PRPF40B: variants seen among roughly 807,000 people sequenced by gnomAD.
PRPF40B encodes the protein pre-mRNA processing factor 40B, also known as pre-mRNA-processing factor 40 homolog B.
Under a neutral mutation model 124.5 loss-of-function variants are expected in PRPF40B, and 56 were observed. The ratio of observed to expected loss-of-function variants is 0.45; its 90% CI spans 0.36 to 0.56. The LOEUF is 0.56. Ranked by LOEUF, PRPF40B falls within the 20% of genes least tolerant of loss-of-function variation. The probability of loss-of-function intolerance (pLI) is 0.00; values close to 1 mark genes in which losing one functional copy is unlikely to be tolerated. For synonymous variants in PRPF40B, 443 were observed against 426.4 expected (o/e 1.04, Z -0.48); for missense variants, 1,053 against 1,169.5 (o/e 0.90, Z 1.45).
intron 17 of PRPF40B, 59 bp downstream of exon 17, chr12:49,637,643 C>T: frequency 2.5e-6 from 4 of 1,571,318 alleles, no homozygotes; most frequent in Non-Finnish European, 3.5e-6. Flanking sequence ...AGCCTCTCTG[C>T]ACCCCCTACT....
At chr12:49,637,382 C>G in intron 16 of PRPF40B, 88 bp from the exon 17 acceptor site, 2 of 866,572 alleles carry the variant, frequency 2.3e-6, no homozygotes, top group Non-Finnish European at 3.7e-6. Flanking sequence ...GTCCCTGCCT[C>G]TTCCTCTGCC....
At chr12:49,625,519 G>A (rs1433978391) in intron 1 of PRPF40B, among the ~76,000 whole-genome samples, 1 of 151,812 alleles carries the variant, frequency 6.6e-6, no homozygotes, top group Non-Finnish European at 1.5e-5. Flanking sequence ...TTTTCCTACT[G>A]CCTCTCCATT....
At chr12:49,637,702 C>A in intron 17 of PRPF40B, 31 bp from the exon 18 acceptor site, 1 of 1,507,838 alleles carries the variant, frequency 6.6e-7, no homozygotes, top group Non-Finnish European at 9.1e-7. Flanking sequence ...AAGCTGCCGC[C>A]CGCCAGGCCC....
chr12:49,632,553 C>T, intron 4 of PRPF40B, 43 bp from the exon 5 acceptor site: 2 of 1,608,498 alleles, frequency 1.2e-6, no homozygotes, highest in African/African-American at 1.3e-5. Flanking sequence ...CTGGGGGCCA[C>T]TGGGCTTGGC....
In PRPF40B at chr12:49,637,043, G is replaced by C. The variant is rs1941917319; in HGVS notation, c.1560+194G>C. On this transcript the variant is annotated intron_variant, in intron 16 of 25. Transcript: ENST00000548825. Reference sequence around the variant, plus strand: ...TCAATTCTGGACTGTGCTCTTCTAGGGAGACTAGATGTATGCACCACCCAG... The same window carrying C: ...TCAATTCTGGACTGTGCTCTTCTAGCGAGACTAGATGTATGCACCACCCAG... 4.8e-6 allele frequency: 4 copies of C among 836,572 alleles called. No homozygotes were observed. In the South Asian group the frequency reaches 7.0e-5, roughly 15 times the overall value. 51.8% of individuals were successfully genotyped at this position (836,572 alleles called of 1,614,324 possible).
Position 49,632,995 on chromosome 12 carries a change from T to TGGGGGGGGCGG in PRPF40B, c.349-18_349-17insGGGGGGGCGGG. On this transcript the variant is annotated intron_variant, in intron 6 of 25. Transcript: ENST00000548825. The stretch of plus-strand genomic sequence containing the variant: ...AAAAGGGGCCTTGACCACCATTCTG[T>TGGGGGGGGCGG]GCCCCCCCCCCCACCCAGAGGGCCC... The TGGGGGGGGCGG allele has an allele frequency of 7.3e-7, 1 of 1,365,454 alleles. No individual in the cohort carries two copies. 84.6% of individuals were successfully genotyped at this position (1,365,454 alleles called of 1,614,324 possible).
Position 49,633,004 on chromosome 12 carries a change from C to A in PRPF40B, c.349-10C>A, listed in dbSNP as rs767581274. ...CTTGACCACCATTCTGTGCCCCCCCCCCCACCCAGAGGGCCCTATGGAGTG... is the reference window on the plus strand; with the variant it reads ...CTTGACCACCATTCTGTGCCCCCCCACCCACCCAGAGGGCCCTATGGAGTG... On this transcript the variant is annotated splice_polypyrimidine_tract_variant and intron_variant, in intron 6 of 25. Transcript: ENST00000548825. 100 of 610,026 alleles carry A rather than the reference C, an allele frequency of 1.6e-4. 1 individual carries two copies. The highest frequency in any genetic ancestry group is 5.6e-4 in the Admixed American group (26 of 46,382). 37.8% of individuals were successfully genotyped at this position (610,026 alleles called of 1,614,324 possible).
intron 2 of PRPF40B, 45 bp downstream of exon 2, chr12:49,630,670 C>T (rs547550670): frequency 6.6e-6 from 5 of 758,896 alleles, no homozygotes; most frequent in South Asian, 3.0e-5. Context: ...CCAGCCTGCA[C>T]CCCCAACTCC....
At chr12:49,627,262 ATAATT>A (rs889205129) in intron 1 of PRPF40B, among the ~76,000 whole-genome samples, 1 of 152,218 alleles carries the variant, frequency 6.6e-6, no homozygotes, top group Non-Finnish European at 1.5e-5. Context: ...ACAGGATATT[ATAATT>A]TAATTGGCAG....
In PRPF40B at chr12:49,634,006, A is replaced by G. The variant is rs1417683721; in HGVS notation, c.726A>G (p.Pro242=). The G allele has an allele frequency of 6.2e-7, 1 of 1,614,134 alleles. No homozygotes were observed. The highest frequency in any genetic ancestry group is 1.1e-5 in the South Asian group (1 of 91,078). The change falls in exon 10 of 26, where the codon CCA becomes CCG. Residue 242 remains proline (P), a synonymous_variant. Transcript: ENST00000548825. ...CCACAGGCCTCCTGGAACCTGAGCC[A>G]GGTGGGAGTGAAGATTGTGATGTGT... is the stretch of plus-strand genomic sequence containing the variant. The part of the protein sequence containing the change: ...PVPTGLLEPE[P]GGSEDCDVLE...
chr12:49,624,183 C>G (rs1375447560), intron 1 of PRPF40B: 8 of 984,182 alleles, frequency 8.1e-6, no homozygotes, highest in Middle Eastern at 5.2e-4. Flanking sequence ...AAGTCACTAC[C>G]TTTCTTTGGG....
chr12:49,623,674 G>A, intron 1 of PRPF40B, 81 bp downstream of exon 1: 3 of 1,227,962 alleles, frequency 2.4e-6, no homozygotes, highest in Non-Finnish European at 3.0e-6. Context: ...CCGATGGGGC[G>A]GGGAGGCCGC....
intron 1 of PRPF40B, among the ~76,000 whole-genome samples, chr12:49,627,056 A>G (rs1158725931): frequency 1.3e-5 from 2 of 152,206 alleles, no homozygotes; most frequent in East Asian, 3.8e-4. Context: ...GTTAACACAT[A>G]CTTATTAGCA....
At position 49,644,132 on chromosome 12, in the gene PRPF40B, T is replaced by G. The variant is rs764979918; in HGVS notation, c.2619T>G (p.Ser873Arg). 6.2e-7 allele frequency: 1 copy of G among 1,613,864 alleles called. No individual in the cohort carries two copies. The highest frequency in any genetic ancestry group is 1.1e-5 in the South Asian group (1 of 91,072). The change falls in exon 26 of 26, where the codon AGT (serine) becomes AGG (arginine). Residue 873 changes from serine to arginine, a missense_variant. By Grantham distance (110) the Ser-to-Arg change is moderately radical. Around this residue, in one of 2 missense-constraint regions of PRPF40B, gnomAD observed 895 missense variants for 1,052.2 expected, o/e 0.85. Transcript: ENST00000548825. ...GGGACACGTCAGAAAGTGAGCTGAG[T>G]GAGGGTGAGCTGGAGAGGCGGCGGC... ...TGWDTSESEL[S>R]EGELERRRRT...
In PRPF40B at chr12:49,631,166, G is replaced by A. The variant is rs550778402; in HGVS notation, c.85-235G>A. 2.6e-5 allele frequency among the ~76,000 whole-genome samples: 4 copies of A among 152,160 alleles called. No individual in the cohort carries two copies. Among genetic ancestry groups the A allele is most frequent in the Admixed American group, 1.3e-4 (2 of 15,280 alleles). ...ACCTCCCTTATTCCTTTCCTTTCCC[G>A]TTACAATTAAGAAGCTGTGTGCTTG... On this transcript the variant is annotated intron_variant, in intron 2 of 25. Transcript: ENST00000548825. This position sits in a 1 kb window ranked among gnomAD's most constrained non-coding sequence, Gnocchi z 4.3.
chr12:49,635,469 A>G lies in PRPF40B; in HGVS notation c.1271A>G (p.Glu424Gly). The change falls in exon 14 of 26, where the codon GAG becomes GGG. Residue 424 changes from glutamate (E) to glycine (G), a missense_variant. Glu to Gly is a moderately conservative substitution (Grantham distance 98). Around this residue, in one of 2 missense-constraint regions of PRPF40B, gnomAD observed 895 missense variants for 1,052.2 expected, o/e 0.85. Transcript: ENST00000548825. The surrounding 1 kb of genome is among the most constrained non-coding windows in gnomAD (Gnocchi z 4.1). ...DDVLFFLAKK[E>G]KEQAKQLRRR... ...GTCCTCTTCTTCCTGGCCAAGAAGG[A>G]GAAGGTAATGGTCCCTGGGCAGAAT... The G allele has an allele frequency of 1.2e-6, 2 of 1,612,892 alleles. No homozygotes were observed. Among genetic ancestry groups the G allele is most frequent in the Non-Finnish European group, 1.7e-6 (2 of 1,179,450 alleles).
At chr12:49,627,492 G>A (rs1330709593) in intron 1 of PRPF40B, among the ~76,000 whole-genome samples, 1 of 152,088 alleles carries the variant, frequency 6.6e-6, no homozygotes, top group Non-Finnish European at 1.5e-5. Context: ...TGTGGGGTTG[G>A]CAGGGCCAAC....
At chr12:49,625,000 C>G (rs998669126) in intron 1 of PRPF40B, among the ~76,000 whole-genome samples, 1 of 152,028 alleles carries the variant, frequency 6.6e-6, no homozygotes, top group African/African-American at 2.4e-5. Flanking sequence ...GAAGAAGGGC[C>G]GCAGGTAGAT....
In PRPF40B at chr12:49,636,728, A is replaced by C; in HGVS notation, c.1439A>C (p.Glu480Ala). The C allele has an allele frequency of 6.2e-7, 1 of 1,614,184 alleles. No individual in the cohort carries two copies. The highest frequency in any genetic ancestry group is 8.5e-7 in the Non-Finnish European group (1 of 1,180,034). ...QDHQLQNMDK[E>A]DALICFEEHI... ...TGCCTGTCTTTAGACATGGACAAGG[A>C]AGATGCACTGATCTGTTTTGAGGAG... Residue 480 changes from glutamate to alanine, a missense_variant, in exon 16 of 26, where the codon GAA (glutamate) becomes GCA (alanine). Around this residue, in one of 2 missense-constraint regions of PRPF40B, gnomAD observed 895 missense variants for 1,052.2 expected, o/e 0.85. Coordinates refer to ENST00000548825, the MANE Select transcript of PRPF40B (RefSeq NM_001031698.3).
Sources: gnomAD v4.1 joint callset for allele counts (sites outside exome capture counted in the v4.1 genomes callset) on GRCh38, gnomAD v4.1.1 for gene constraint, gnomAD v4.1.1 regional missense constraint, Gnocchi (gnomAD v3.1) non-coding constraint, MANE v1.5 for transcripts, NCBI Gene and HGNC (gene_info 2026-07-23, HGNC 2026-07-21) for gene names.